The following RORA variants were observed in gnomAD, a reference collection of about 807,000 sequenced individuals.
The protein encoded by RORA is RAR related orphan receptor A, also known as nuclear receptor ROR-alpha.
In RORA, 7 loss-of-function variants were observed where a neutral mutation model predicts 69.5. That is an observed-to-expected ratio of 0.10 (90% CI 0.06 to 0.19). RORA has a LOEUF of 0.19. Among genes scored for constraint, RORA ranks in the 10% least tolerant of loss-of-function variants. RORA has a pLI of 1.00. For missense variants in RORA, 457 were observed against 663.0 expected (o/e 0.69, Z 3.41); for synonymous variants, 261 against 240.8 (o/e 1.08, Z -0.78).
intron 1 of RORA, among the ~76,000 whole-genome samples, chr15:60,913,407 T>C (rs929323672): frequency 2.0e-5 from 3 of 152,248 alleles, no homozygotes; most frequent in African/African-American, 7.2e-5. Flanking sequence ...CAGGAAAGCC[T>C]AGAGGAAATT....
intron 1 of RORA, among the ~76,000 whole-genome samples, chr15:61,068,521 G>T (rs1383308839): frequency 2.0e-5 from 3 of 152,202 alleles, no homozygotes; most frequent in African/African-American, 7.2e-5. Context: ...TGGTTCAATT[G>T]TTCCATGTTC....
At chr15:60,514,095 T>C (rs142076863) in intron 4 of RORA, among the ~76,000 whole-genome samples, 3 of 152,346 alleles carry the variant, frequency 2.0e-5, no homozygotes, top group South Asian at 4.1e-4. Context: ...ACACTTGTCA[T>C]TGAGCCATGC....
chr15:61,075,019 G>A (rs991073109), intron 1 of RORA, among the ~76,000 whole-genome samples: 6 of 151,848 alleles, frequency 4.0e-5, no homozygotes, highest in South Asian at 4.2e-4. Context: ...CCCGGGAGGC[G>A]GAGCTTGCAG....
intron 1 of RORA, among the ~76,000 whole-genome samples, chr15:60,782,601 A>G (rs1351295302): frequency 1.3e-5 from 2 of 152,172 alleles, no homozygotes; most frequent in African/African-American, 4.8e-5. Flanking sequence ...AATCAGTTGA[A>G]GTTTTATTCA....
At chr15:60,726,059 G>T (rs1376307344) in intron 1 of RORA, among the ~76,000 whole-genome samples, 1 of 152,124 alleles carries the variant, frequency 6.6e-6, no homozygotes, top group African/African-American at 2.4e-5. Flanking sequence ...CTTAACATCT[G>T]CATAACCCTC....
At chr15:61,102,492 C>G (rs1466555619) in intron 1 of RORA, among the ~76,000 whole-genome samples, 1 of 152,224 alleles carries the variant, frequency 6.6e-6, no homozygotes, top group African/African-American at 2.4e-5. Flanking sequence ...GCTCTGTATT[C>G]CCTCTGCTCC....
intron 1 of RORA, among the ~76,000 whole-genome samples, chr15:61,108,953 C>T (rs189382531): frequency 1.1e-3 from 175 of 152,244 alleles, no homozygotes; most frequent in African/African-American, 4.0e-3. Flanking sequence ...AATCCCAGCG[C>T]TTTGGGAGGC....
At chr15:61,165,851 C>T (rs1039382451) in intron 1 of RORA, among the ~76,000 whole-genome samples, 3 of 152,238 alleles carry the variant, frequency 2.0e-5, no homozygotes, top group African/African-American at 7.2e-5. Context: ...ACTCCAGACA[C>T]TTGCAGAGAC....
In RORA at chr15:60,881,293, C is replaced by T. The variant is rs74597060; in HGVS notation, c.167-202607G>A. ...CTCAGCATGACTGTCTCTGCTGTTTCCAGCCCCACTAGAGAGAGACCCTCA... is the reference window on the plus strand; with the variant it reads ...CTCAGCATGACTGTCTCTGCTGTTTTCAGCCCCACTAGAGAGAGACCCTCA... On this transcript the variant is annotated intron_variant, in intron 1 of 10. Transcript: ENST00000335670. Among the ~76,000 whole-genome samples, 978 of 152,362 alleles carry T rather than the reference C, an allele frequency of 6.4e-3. 10 individuals are homozygous for T. The highest frequency in any genetic ancestry group is 0.022 in the African/African-American group (935 of 41,582).
At chr15:61,178,636 A>T (rs1441821003) in intron 1 of RORA, among the ~76,000 whole-genome samples, 1 of 152,220 alleles carries the variant, frequency 6.6e-6, no homozygotes, top group East Asian at 1.9e-4. Context: ...ATAAACCATC[A>T]CCCCAAGATT....
At chr15:61,016,783 G>C (rs571080218) in intron 1 of RORA, among the ~76,000 whole-genome samples, 46 of 152,272 alleles carry the variant, frequency 3.0e-4, no homozygotes, top group African/African-American at 1.1e-3. Context: ...AATGTGCCTC[G>C]TTGGACACAG....
intron 1 of RORA, among the ~76,000 whole-genome samples, chr15:60,924,287 T>A (rs2140492551): frequency 7.5e-6 from 1 of 133,840 alleles, no homozygotes; most frequent in South Asian, 2.5e-4. Context: ...ACTTTTTCAC[T>A]CATTTAAAAC....
chr15:61,064,211 C>T (rs1415060432), intron 1 of RORA, among the ~76,000 whole-genome samples: 3 of 152,226 alleles, frequency 2.0e-5, no homozygotes, highest in Non-Finnish European at 2.9e-5. Context: ...TATGCAATCA[C>T]ATTTTGAAGG....
chr15:60,854,202 C>A (rs2073356907), intron 1 of RORA, among the ~76,000 whole-genome samples: 1 of 152,066 alleles, frequency 6.6e-6, no homozygotes, highest in Non-Finnish European at 1.5e-5. Flanking sequence ...GCAGAGATTG[C>A]AGTGAGCCAA....
At chr15:61,085,139 G>A (rs934004807) in intron 1 of RORA, among the ~76,000 whole-genome samples, 6 of 152,282 alleles carry the variant, frequency 3.9e-5, no homozygotes, top group African/African-American at 1.4e-4. Flanking sequence ...TAAACAGAGA[G>A]AGAGGTTGCC....
At chr15:60,822,774 A>T (rs985566511) in intron 1 of RORA, among the ~76,000 whole-genome samples, 1 of 152,212 alleles carries the variant, frequency 6.6e-6, no homozygotes, top group Non-Finnish European at 1.5e-5. Context: ...AAATGCTAAC[A>T]GAATCTCTGG....
At position 61,133,099 on chromosome 15, in the gene RORA, C is replaced by T. The variant is rs180962720; in HGVS notation, c.166+95954G>A. Among the ~76,000 whole-genome samples, 171 of 151,816 alleles carry T rather than the reference C, an allele frequency of 1.1e-3. 1 individual carries two copies. The highest frequency in any genetic ancestry group is 4.0e-3 in the African/African-American group (166 of 41,384). ...TGTAAATACTAGAAAATGTATCATACTAGAAAAGGTATAAAGGGAAACATT... is the reference window on the plus strand; with the variant it reads ...TGTAAATACTAGAAAATGTATCATATTAGAAAAGGTATAAAGGGAAACATT... On this transcript the variant is annotated intron_variant, in intron 1 of 10. Transcript: ENST00000335670.
At chr15:61,028,855 T>A (rs990152190) in intron 1 of RORA, among the ~76,000 whole-genome samples, 1 of 152,146 alleles carries the variant, frequency 6.6e-6, no homozygotes, top group East Asian at 1.9e-4. Context: ...AAAAACATTA[T>A]GTTAAGGGAA....
chr15:60,622,122 T>C (rs963717564), intron 2 of RORA, among the ~76,000 whole-genome samples: 1 of 147,778 alleles, frequency 6.8e-6, no homozygotes, highest in Non-Finnish European at 1.5e-5. Flanking sequence ...TAATAGTATA[T>C]ATAACAGTAT....
Sources: allele counts gnomAD v4.1 joint callset (sites outside exome capture counted in the v4.1 genomes callset), GRCh38; gene constraint gnomAD v4.1.1; transcripts MANE v1.5; gene names NCBI Gene and HGNC (gene_info 2026-07-23, HGNC 2026-07-21).